MAD1L1: variants seen among roughly 807,000 people sequenced by gnomAD.
MAD1L1 encodes the protein mitotic spindle assembly checkpoint protein MAD1.
In MAD1L1, 95 loss-of-function variants were observed where a neutral mutation model predicts 96.9. The ratio of observed to expected loss-of-function variants is 0.98; its 90% CI spans 0.83 to 1.16. The LOEUF (loss-of-function observed/expected upper bound fraction) is 1.16, where lower values mean the gene tolerates loss of function less well. MAD1L1 is among the 50% of genes most tolerant of loss of function. The pLI is 0.00. For synonymous variants in MAD1L1, 473 were observed against 396.6 expected (o/e 1.19, Z -2.29); for missense variants, 1,007 against 954.4 (o/e 1.06, Z -0.73).
At chr7:2,021,497 T>C (rs1283418418) in intron 12 of MAD1L1, among the ~76,000 whole-genome samples, 1 of 152,186 alleles carries the variant, frequency 6.6e-6, no homozygotes, top group Non-Finnish European at 1.5e-5. Context: ...GCACACTGGC[T>C]CACACTTGTA....
chr7:2,062,571 T>C (rs1218887082), intron 12 of MAD1L1, among the ~76,000 whole-genome samples: 1 of 151,628 alleles, frequency 6.6e-6, no homozygotes, highest in African/African-American at 2.4e-5. Flanking sequence ...AGAGACTCTG[T>C]CTCAAACAAA....
chr7:1,994,089 G>A (rs1397728062), intron 14 of MAD1L1, among the ~76,000 whole-genome samples: 2 of 152,236 alleles, frequency 1.3e-5, no homozygotes, highest in Non-Finnish European at 2.9e-5. Context: ...CCTGTTCCTC[G>A]TCTGAGTATC....
intron 18 of MAD1L1, chr7:1,848,922 C>A (rs1190813514): frequency 6.5e-6 from 1 of 154,430 alleles, no homozygotes; most frequent in East Asian, 1.9e-4. Context: ...CTCCTTCTCA[C>A]ACTATTTTGA....
chr7:2,046,005 G>C (rs1783902498), intron 12 of MAD1L1, among the ~76,000 whole-genome samples: 1 of 152,168 alleles, frequency 6.6e-6, no homozygotes, highest in Non-Finnish European at 1.5e-5. Flanking sequence ...CGGCAGTGGA[G>C]GCCCTGTAAG....
intron 11 of MAD1L1, among the ~76,000 whole-genome samples, chr7:2,082,032 C>A (rs970062771): frequency 6.6e-6 from 1 of 152,192 alleles, no homozygotes; most frequent in South Asian, 2.1e-4. Flanking sequence ...GAAGTCTGGC[C>A]ACACTGAAGT....
Position 2,161,601 on chromosome 7 carries a change from G to A in MAD1L1, c.987-12363C>T, listed in dbSNP as rs540482768. Among the ~76,000 whole-genome samples, 417 of 150,368 alleles carry A rather than the reference G, an allele frequency of 2.8e-3. 1 individual carries two copies. The highest frequency in any genetic ancestry group is 4.7e-3 in the Non-Finnish European group (317 of 67,558). On this transcript the variant is annotated intron_variant, in intron 10 of 18. Transcript: ENST00000265854. ...ATGTGAGGAGCCCCTCTGCCCGACC[G>A]CCCAGTCTGGGAAGTGAGGAGCGCC...
chr7:1,947,311 C>T (rs370773411), intron 16 of MAD1L1, among the ~76,000 whole-genome samples: 38 of 152,332 alleles, frequency 2.5e-4, no homozygotes, highest in South Asian at 8.3e-4. Flanking sequence ...CGCCTGTCCC[C>T]GTGTGCCTGA....
chr7:1,866,813 G>C (rs533959013), intron 18 of MAD1L1, among the ~76,000 whole-genome samples: 10 of 152,350 alleles, frequency 6.6e-5, no homozygotes, highest in Admixed American at 2.0e-4. Flanking sequence ...GCAGCAGGAG[G>C]CAGCGACATA....
chr7:1,840,429 C>T (rs561716517), intron 18 of MAD1L1, among the ~76,000 whole-genome samples: 51 of 152,286 alleles, frequency 3.3e-4, no homozygotes, highest in South Asian at 1.0e-3. Flanking sequence ...AGCAGAGCCG[C>T]GTCATAAACA....
chr7:2,070,818 C>T (rs1269557689), intron 11 of MAD1L1, among the ~76,000 whole-genome samples: 1 of 152,244 alleles, frequency 6.6e-6, no homozygotes, highest in Non-Finnish European at 1.5e-5. Context: ...TCCACCCTCA[C>T]GTTCACACCT....
Position 1,971,196 on chromosome 7 carries a change from C to T in MAD1L1, c.1505+9257G>A, listed in dbSNP as rs528709115. ...GCCATGCGGGGCCCACAGTGAGCCC[C>T]GCACAAACATCACTTGCCTCTCACT... On this transcript the variant is annotated intron_variant, in intron 15 of 18. Coordinates refer to ENST00000265854, the MANE Select transcript of MAD1L1 (RefSeq NM_001013836.2). 3.9e-4 allele frequency among the ~76,000 whole-genome samples: 59 copies of T among 152,332 alleles called. 1 individual carries two copies. The highest frequency in any genetic ancestry group is 1.2e-3 in the African/African-American group (51 of 41,576).
intron 15 of MAD1L1, among the ~76,000 whole-genome samples, chr7:1,973,507 C>T (rs1408017026): frequency 6.6e-6 from 1 of 151,906 alleles, no homozygotes; most frequent in Non-Finnish European, 1.5e-5. Flanking sequence ...TGGGCCCCTA[C>T]AGTGGGGAAT....
In MAD1L1 at chr7:2,217,414, G is replaced by A. The variant is rs955042750; in HGVS notation, c.678+548C>T. Among the ~76,000 whole-genome samples, 16 of 152,240 alleles carry A rather than the reference G, an allele frequency of 1.1e-4. 1 individual carries two copies. The highest frequency in any genetic ancestry group is 4.6e-4 in the Admixed American group (7 of 15,288). ...GGCAGAGGCCAGGCTGGGGGTGCCG[G>A]GCAGCTCTGCAGCCAGGAAGAGCTG... On this transcript the variant is annotated intron_variant, in intron 7 of 18. Coordinates refer to ENST00000265854, the MANE Select transcript of MAD1L1 (RefSeq NM_001013836.2).
chr7:1,901,230 C>T (rs556516628), intron 17 of MAD1L1, among the ~76,000 whole-genome samples: 5 of 152,290 alleles, frequency 3.3e-5, no homozygotes, highest in African/African-American at 1.2e-4. Flanking sequence ...CTTACATCAA[C>T]GTGAATGAAT....
chr7:1,948,581 G>A (rs892766463), intron 16 of MAD1L1, among the ~76,000 whole-genome samples: 5 of 152,230 alleles, frequency 3.3e-5, no homozygotes, highest in African/African-American at 9.6e-5. Context: ...GGCCAGGGGA[G>A]GAGGGAGCTG....
intron 12 of MAD1L1, among the ~76,000 whole-genome samples, chr7:2,065,062 G>A (rs142789602): frequency 7.2e-4 from 110 of 152,354 alleles, no homozygotes; most frequent in African/African-American, 2.5e-3. Context: ...CAGGAGGACA[G>A]CAGATTCTCA....
chr7:1,854,284 G>C, intron 18 of MAD1L1: 1 of 424,506 alleles, frequency 2.4e-6, no homozygotes, highest in South Asian at 1.7e-5. Context: ...GAGTGGCTGA[G>C]ACTGCCCCAG....
At chr7:1,895,114 C>A (rs761146284) in intron 18 of MAD1L1, among the ~76,000 whole-genome samples, 1 of 152,202 alleles carries the variant, frequency 6.6e-6, no homozygotes, top group Non-Finnish European at 1.5e-5. Context: ...TGTCTACAAG[C>A]GAGCTGGGCC....
At chr7:2,056,031 C>T (rs1310887318) in intron 12 of MAD1L1, among the ~76,000 whole-genome samples, 2 of 152,190 alleles carry the variant, frequency 1.3e-5, no homozygotes, top group African/African-American at 2.4e-5. Context: ...CAAGGCTGGC[C>T]GCATGGCCTG....
Sources: gnomAD v4.1 joint callset for allele counts (sites outside exome capture counted in the v4.1 genomes callset) on GRCh38, gnomAD v4.1.1 for gene constraint, MANE v1.5 for transcripts, NCBI Gene and HGNC (gene_info 2026-07-23, HGNC 2026-07-21) for gene names.